The following ARHGEF11 variants were observed in gnomAD, a reference collection of about 807,000 sequenced individuals.
ARHGEF11 encodes Rho guanine exchange factor (GEF) 11.
ARHGEF11 carries 55 observed loss-of-function variants against 193.7 expected under a neutral mutation model. That is an observed-to-expected ratio of 0.28 (90% CI 0.23 to 0.36). ARHGEF11 has a LOEUF of 0.36. Among genes scored for constraint, ARHGEF11 ranks in the 10% least tolerant of loss-of-function variants. ARHGEF11 has a pLI of 1.00. For synonymous variants in ARHGEF11, 693 were observed against 768.0 expected, an observed-to-expected ratio of 0.90 and a Z score of 1.62; for missense variants, 1,723 against 2,005.6, an observed-to-expected ratio of 0.86 and a Z score of 2.69.
chr1:157,003,290 T>C (rs1667419580), intron 1 of ARHGEF11, among the ~76,000 whole-genome samples: 1 of 152,242 alleles, frequency 6.6e-6, no homozygotes, highest in Non-Finnish European at 1.5e-5. Flanking sequence ...CTTTGCACTC[T>C]GTCTAGAGAG....
In ARHGEF11 at chr1:156,955,654, A is replaced by C. The variant is rs752675286; in HGVS notation, c.1768+49T>G. On this transcript the variant is annotated intron_variant, in intron 20 of 40. Coordinates refer to ENST00000368194, the MANE Select transcript of ARHGEF11 (RefSeq NM_198236.3). ...AACATACTGGTACATGAAAGGGCTG[A>C]GGTCCCTGCCCAAGGAATGCCCAAG... 3.5e-6 allele frequency: 5 copies of C among 1,435,556 alleles called. 1 individual carries two copies. The East Asian group carries it at 1.1e-4, about 33-fold the overall frequency. 88.9% of individuals were successfully genotyped at this position (1,435,556 alleles called of 1,614,324 possible).
chr1:156,971,921 A>G, intron 7 of ARHGEF11, 105 bp from the exon 8 acceptor site: 1 of 1,399,866 alleles, frequency 7.1e-7, no homozygotes, highest in Admixed American at 2.1e-5. Flanking sequence ...ATCCCAAAAC[A>G]AAGATGAGAG....
chr1:157,034,161 T>C (rs184898012), intron 1 of ARHGEF11, among the ~76,000 whole-genome samples: 4 of 152,134 alleles, frequency 2.6e-5, no homozygotes, highest in Admixed American at 2.6e-4. Context: ...GGGAAGAGGG[T>C]CTGTGGTTCT....
intron 1 of ARHGEF11, among the ~76,000 whole-genome samples, chr1:156,994,406 T>TTTC (rs202113745): frequency 6.6e-6 from 1 of 151,226 alleles, no homozygotes; most frequent in African/African-American, 2.4e-5. Context: ...TTTTTTTTTT[T>TTTC]CAGGTGTACA....
chr1:156,989,095 C>T (rs1001544120), intron 1 of ARHGEF11, among the ~76,000 whole-genome samples: 1 of 152,104 alleles, frequency 6.6e-6, no homozygotes, highest in Non-Finnish European at 1.5e-5. Context: ...CAAAATTTGG[C>T]AGCAGAGCTC....
chr1:156,983,794 T>G (rs1046424623), intron 3 of ARHGEF11, among the ~76,000 whole-genome samples: 2 of 152,248 alleles, frequency 1.3e-5, no homozygotes, highest in Non-Finnish European at 2.9e-5. Flanking sequence ...TGACTATGCC[T>G]CAAATCACAA....
chr1:156,996,859 ATTTT>A (rs60592654), intron 1 of ARHGEF11, among the ~76,000 whole-genome samples: 5 of 93,856 alleles, frequency 5.3e-5, no homozygotes, highest in East Asian at 3.7e-4. Flanking sequence ...CTCTCTCTCT[ATTTT>A]TTTTTTTTTT....
chr1:156,971,902 T>A (rs759590839), intron 7 of ARHGEF11, 86 bp from the exon 8 acceptor site: 2 of 1,454,232 alleles, frequency 1.4e-6, no homozygotes, highest in East Asian at 4.8e-5. Flanking sequence ...GTGGGGAGAA[T>A]AGGCAGTTAT....
chr1:156,954,873 A>G lies in ARHGEF11; in HGVS notation c.1798+19T>C, dbSNP rs775080401. ...CAATGCTAATGCAAAGACAAACCCA[A>G]ATAAAATGGTCCTTTTACCTTCCAC... is the stretch of plus-strand genomic sequence containing the variant. On this transcript the variant is annotated intron_variant, in intron 21 of 40. Coordinates refer to ENST00000368194, the MANE Select transcript of ARHGEF11 (RefSeq NM_198236.3). 29 of 1,603,876 alleles carry G rather than the reference A, an allele frequency of 1.8e-5. No individual in the cohort carries two copies. The South Asian group carries it at 3.0e-4, about 17-fold the overall frequency.
intron 2 of ARHGEF11, 70 bp downstream of exon 2, chr1:156,986,012 A>T (rs771030221): frequency 1.5e-6 from 2 of 1,331,632 alleles, no homozygotes; most frequent in Non-Finnish European, 2.2e-6. Context: ...TGGCCTCCCA[A>T]GTAGCTGGGA....
chr1:157,035,592 A>C (rs914401590), intron 1 of ARHGEF11, among the ~76,000 whole-genome samples: 29 of 151,428 alleles, frequency 1.9e-4, no homozygotes, highest in African/African-American at 6.8e-4. Flanking sequence ...TTTAGTAGAG[A>C]CGGGGTTTCT....
chr1:156,977,395 CTCTT>C (rs750590136), intron 6 of ARHGEF11, among the ~76,000 whole-genome samples: 63 of 152,052 alleles, frequency 4.1e-4, no homozygotes, highest in African/African-American at 1.4e-3. Flanking sequence ...TTCTAGAGTT[CTCTT>C]TCTACTTGTT....
At position 156,958,880 on chromosome 1, in the gene ARHGEF11, A is replaced by G. The variant is rs929739724; in HGVS notation, c.1380-16T>C. The G allele has an allele frequency of 6.2e-7, 1 of 1,613,946 alleles. No individual in the cohort carries two copies. Among genetic ancestry groups the G allele is most frequent in the African/African-American group, 1.3e-5 (1 of 74,936 alleles). The stretch of plus-strand genomic sequence containing the variant: ...GCGCTTCGTTCTAAGCCAGATAAAC[A>G]CAGGGAAAGAAAGAAATATACACAA... On this transcript the variant is annotated splice_polypyrimidine_tract_variant and intron_variant, in intron 16 of 40. Transcript: ENST00000368194.
intron 15 of ARHGEF11, 142 bp downstream of exon 15, chr1:156,960,276 A>G: frequency 1.3e-6 from 1 of 754,196 alleles, no homozygotes; most frequent in Non-Finnish European, 2.2e-6. Flanking sequence ...TTCTGGAGCA[A>G]TCATCCCATG....
chr1:157,020,822 G>A (rs969678078), intron 1 of ARHGEF11, among the ~76,000 whole-genome samples: 2 of 152,150 alleles, frequency 1.3e-5, no homozygotes, highest in African/African-American at 4.8e-5. Flanking sequence ...TTCACAGCAA[G>A]GATAAATTAC....
intron 36 of ARHGEF11, 50 bp from the exon 37 acceptor site, chr1:156,939,960 G>A (rs758992285): frequency 1.3e-5 from 21 of 1,582,490 alleles, no homozygotes; most frequent in Non-Finnish European, 1.5e-5. Flanking sequence ...TGCACACCAC[G>A]CCAGAAGGAT....
At chr1:156,999,521 G>C (rs1666951548) in intron 1 of ARHGEF11, among the ~76,000 whole-genome samples, 1 of 152,076 alleles carries the variant, frequency 6.6e-6, no homozygotes, top group Admixed American at 6.6e-5. Context: ...GGAAAGGAAA[G>C]ATTCTCTCTA....
intron 1 of ARHGEF11, among the ~76,000 whole-genome samples, chr1:157,040,481 T>C (rs908593199): frequency 3.3e-5 from 5 of 152,220 alleles, no homozygotes; most frequent in Non-Finnish European, 7.3e-5. Flanking sequence ...AAATCCTTTC[T>C]ATCCCCATCA....
chr1:156,944,274 T>C, intron 31 of ARHGEF11, 84 bp downstream of exon 31: 1 of 1,500,908 alleles, frequency 6.7e-7, no homozygotes, highest in African/African-American at 1.4e-5. Context: ...TCCAGTCATG[T>C]TTCCATGCTT....
Sources: allele counts gnomAD v4.1 joint callset (sites outside exome capture counted in the v4.1 genomes callset), GRCh38; gene constraint gnomAD v4.1.1; transcripts MANE v1.5; gene names NCBI Gene and HGNC (gene_info 2026-07-23, HGNC 2026-07-21).